The following CNTNAP2 variants were observed in gnomAD, a reference collection of about 807,000 sequenced individuals.
The protein encoded by CNTNAP2 is contactin associated protein 2, also known as contactin-associated protein-like 2.
A neutral mutation model predicts 155.2 loss-of-function variants in CNTNAP2; 98 were observed. The observed-to-expected ratio is 0.63, with a 90% confidence interval of 0.54 to 0.75. CNTNAP2 has a LOEUF of 0.75. CNTNAP2 is among the 30% of genes least tolerant of loss of function. The pLI is 0.00. For missense variants in CNTNAP2, 1,727 were observed against 1,688.1 expected (o/e 1.02, Z -0.40); for synonymous variants, 651 against 631.2 (o/e 1.03, Z -0.47).
chr7:146,816,114 G>T (rs758574517), intron 2 of CNTNAP2, among the ~76,000 whole-genome samples: 1 of 152,142 alleles, frequency 6.6e-6, no homozygotes, highest in Non-Finnish European at 1.5e-5. Context: ...TGGCTGCATA[G>T]TATTCCATGG....
chr7:146,175,909 A>T (rs1398255138), intron 1 of CNTNAP2, among the ~76,000 whole-genome samples: 1 of 151,810 alleles, frequency 6.6e-6, no homozygotes, highest in South Asian at 2.1e-4. Flanking sequence ...ACCCTATTGC[A>T]GTTGTGAAAT....
intron 4 of CNTNAP2, among the ~76,000 whole-genome samples, chr7:147,101,077 C>T (rs948461161): frequency 2.6e-5 from 4 of 151,886 alleles, no homozygotes; most frequent in African/African-American, 7.3e-5. Context: ...GAGCATAGCC[C>T]GAGGAAAGGT....
chr7:146,508,566 G>A (rs777571447), intron 1 of CNTNAP2, among the ~76,000 whole-genome samples: 3 of 152,152 alleles, frequency 2.0e-5, no homozygotes, highest in Non-Finnish European at 4.4e-5. Context: ...CTGTACATTG[G>A]TGGGAGACCA....
At chr7:148,195,963 T>C (rs1210725481) in intron 18 of CNTNAP2, among the ~76,000 whole-genome samples, 1 of 152,230 alleles carries the variant, frequency 6.6e-6, no homozygotes, top group Non-Finnish European at 1.5e-5. Context: ...TGCAAAATGT[T>C]AGTGGGAATT....
chr7:147,294,277 A>G (rs1805375403), intron 8 of CNTNAP2, among the ~76,000 whole-genome samples: 1 of 152,244 alleles, frequency 6.6e-6, no homozygotes, highest in African/African-American at 2.4e-5. Flanking sequence ...TTTTCAGATT[A>G]CATACATAAA....
At chr7:146,222,552 G>A (rs2116899368) in intron 1 of CNTNAP2, among the ~76,000 whole-genome samples, 1 of 151,454 alleles carries the variant, frequency 6.6e-6, no homozygotes, top group Admixed American at 6.6e-5. Context: ...GTGTGTGTGT[G>A]TGTGTGTGTG....
At chr7:148,121,061 G>A (rs1407930105) in intron 16 of CNTNAP2, among the ~76,000 whole-genome samples, 1 of 151,448 alleles carries the variant, frequency 6.6e-6, no homozygotes, top group East Asian at 1.9e-4. Flanking sequence ...TTTTTATGGT[G>A]TCTCGCTCTG....
chr7:147,279,660 C>T (rs1443550353), intron 8 of CNTNAP2, among the ~76,000 whole-genome samples: 1 of 151,798 alleles, frequency 6.6e-6, no homozygotes, highest in Admixed American at 6.6e-5. Context: ...GCTTCATAAA[C>T]CTATCCCTAG....
chr7:148,252,582 C>T (rs1415487326), intron 20 of CNTNAP2, among the ~76,000 whole-genome samples: 4 of 152,178 alleles, frequency 2.6e-5, no homozygotes, highest in Non-Finnish European at 5.9e-5. Context: ...TTGACTATTT[C>T]AGGGTCGGGG....
chr7:146,957,054 C>A (rs964158241), intron 3 of CNTNAP2, among the ~76,000 whole-genome samples: 2 of 152,028 alleles, frequency 1.3e-5, no homozygotes, highest in Non-Finnish European at 2.9e-5. Flanking sequence ...GGGTATGTTC[C>A]AAGAAATGTG....
intron 15 of CNTNAP2, among the ~76,000 whole-genome samples, chr7:148,010,886 T>C (rs968231620): frequency 1.3e-5 from 2 of 152,152 alleles, no homozygotes; most frequent in South Asian, 2.1e-4. Flanking sequence ...CATACTGTGC[T>C]AGTGATACAT....
intron 1 of CNTNAP2, among the ~76,000 whole-genome samples, chr7:146,216,750 C>T (rs868610072): frequency 1.3e-5 from 2 of 152,206 alleles, no homozygotes; most frequent in Admixed American, 1.3e-4. Context: ...AAATCACAAG[C>T]TAACCAGTGA....
At chr7:147,802,041 G>A (rs542318584) in intron 13 of CNTNAP2, among the ~76,000 whole-genome samples, 2,349 of 147,968 alleles carry the variant, frequency 0.016, 58 homozygotes, top group African/African-American at 0.055. Flanking sequence ...CGGGCGGAGG[G>A]GCTCCTCACT....
chr7:146,743,358 C>CT (rs1056805162), intron 1 of CNTNAP2, among the ~76,000 whole-genome samples: 3 of 152,010 alleles, frequency 2.0e-5, no homozygotes, highest in Admixed American at 6.6e-5. Flanking sequence ...TTATAGATGC[C>CT]TTTTTTCCTG....
intron 3 of CNTNAP2, among the ~76,000 whole-genome samples, chr7:147,021,397 A>G (rs900325141): frequency 1.3e-5 from 2 of 152,172 alleles, no homozygotes; most frequent in Admixed American, 6.5e-5. Context: ...CATAGGTCCA[A>G]TTAAAATGCT....
chr7:147,979,606 C>G (rs1368632962), intron 15 of CNTNAP2, among the ~76,000 whole-genome samples: 1 of 151,834 alleles, frequency 6.6e-6, no homozygotes, highest in Non-Finnish European at 1.5e-5. Flanking sequence ...AACTTTTTTT[C>G]TTGTCTGTTT....
chr7:146,675,662 C>T (rs1348116197), intron 1 of CNTNAP2, among the ~76,000 whole-genome samples: 1 of 152,092 alleles, frequency 6.6e-6, no homozygotes, highest in African/African-American at 2.4e-5. Context: ...TCAAGAGCTC[C>T]CACACCATAG....
Position 147,853,906 on chromosome 7 carries a change from A to G in CNTNAP2, c.2099-49659A>G, listed in dbSNP as rs79620354. On this transcript the variant is annotated intron_variant, in intron 13 of 23. Transcript: ENST00000361727. ...TGTTGCAAAGTTTGACTTAGTGTAGAAAGATTGTAAGACTAGAAGTTACTT... is the reference window on the plus strand; with the variant it reads ...TGTTGCAAAGTTTGACTTAGTGTAGGAAGATTGTAAGACTAGAAGTTACTT... Among the ~76,000 whole-genome samples the G allele has an allele frequency of 1.7e-3, 257 of 152,332 alleles. 1 individual carries two copies. Among genetic ancestry groups the G allele is most frequent in the Non-Finnish European group, 2.4e-3 (166 of 68,024 alleles).
intron 14 of CNTNAP2, among the ~76,000 whole-genome samples, chr7:147,970,271 T>C (rs1801311415): frequency 6.6e-6 from 1 of 152,158 alleles, no homozygotes; most frequent in Non-Finnish European, 1.5e-5. Context: ...TTAATAGAAA[T>C]AACTAGACAT....
Sources: gnomAD v4.1 joint callset for allele counts (sites outside exome capture counted in the v4.1 genomes callset) on GRCh38, gnomAD v4.1.1 for gene constraint, MANE v1.5 for transcripts, NCBI Gene and HGNC (gene_info 2026-07-23, HGNC 2026-07-21) for gene names.